The following CDK5RAP2 variants were observed in gnomAD, a reference collection of about 807,000 sequenced individuals.
CDK5RAP2 encodes the protein CDK5 regulatory subunit-associated protein 2.
CDK5RAP2 carries 147 observed loss-of-function variants against 232.9 expected under a neutral mutation model. The ratio of observed to expected loss-of-function variants is 0.63; its 90% CI spans 0.55 to 0.72. The LOEUF (loss-of-function observed/expected upper bound fraction) is 0.72. CDK5RAP2 is among the 30% of genes least tolerant of loss of function. The pLI is 0.00. For synonymous variants in CDK5RAP2, 833 were observed against 833.7 expected (o/e 1.00, Z 0.01); for missense variants, 2,195 against 2,231.5 (o/e 0.98, Z 0.33).
chr9:120,454,416 T>C lies in CDK5RAP2; in HGVS notation c.2376-543A>G, dbSNP rs78618838. ...GTACACAGGCAGAGTAGAAAGCGCA[T>C]TGGCTCTGAAGATGGATACAAATCC... is the stretch of plus-strand genomic sequence containing the variant. On this transcript the variant is annotated intron_variant, in intron 20 of 37. Transcript: ENST00000349780. 2.5e-4 allele frequency among the ~76,000 whole-genome samples: 38 copies of C among 152,368 alleles called. 1 individual carries two copies. The East Asian group carries it at 6.4e-3, about 25-fold the overall frequency.
At chr9:120,520,423 C>G (rs1434143961) in intron 11 of CDK5RAP2, among the ~76,000 whole-genome samples, 1 of 152,164 alleles carries the variant, frequency 6.6e-6, no homozygotes, top group African/African-American at 2.4e-5. Flanking sequence ...GGGTGGATCA[C>G]CTGAAGTCAG....
intron 27 of CDK5RAP2, 144 bp downstream of exon 27, chr9:120,419,644 T>G: frequency 1.4e-6 from 1 of 736,262 alleles, no homozygotes; most frequent in African/African-American, 1.7e-5. Flanking sequence ...AAGGATACTC[T>G]GAATGACCAG....
Position 120,571,840 on chromosome 9 carries a change from A to G in CDK5RAP2, c.127+134T>C, listed in dbSNP as rs1024094078. The G allele has an allele frequency of 1.1e-5, 8 of 726,342 alleles. No individual in the cohort carries two copies. In the Admixed American group the frequency reaches 1.6e-4, roughly 15 times the overall value. 45.0% of individuals were successfully genotyped at this position (726,342 alleles called of 1,614,324 possible). A position where few individuals can be genotyped will look rare whatever the true frequency, so the allele number is the denominator to read the frequency against. ...GAAAGCAAATCAATACATACAAAAA[A>G]TACTGAGCACCTACGGTGTGCCAGT... On this transcript the variant is annotated intron_variant, in intron 2 of 37. Transcript: ENST00000349780.
chr9:120,552,789 C>T (rs1020033443), intron 3 of CDK5RAP2, among the ~76,000 whole-genome samples: 3 of 150,268 alleles, frequency 2.0e-5, no homozygotes, highest in Admixed American at 6.6e-5. Context: ...CACATGTATA[C>T]GTATGTAACG....
At chr9:120,569,119 T>C (rs1377318810) in intron 2 of CDK5RAP2, among the ~76,000 whole-genome samples, 1 of 152,060 alleles carries the variant, frequency 6.6e-6, no homozygotes, top group Non-Finnish European at 1.5e-5. Flanking sequence ...CCCTATCGAG[T>C]GAGCAGGATG....
At position 120,470,121 on chromosome 9, in the gene CDK5RAP2, A is replaced by G; in HGVS notation, c.1958T>C (p.Leu653Pro). ...TTAATAGGTCAATACCTTTTTCTTA[A>G]GTTCTTCTTGAGAAAAATGTTCCAC... ...FQVEHFSQEE[L>P]KKKVSDLIQL... The change falls in exon 17 of 38, where the codon CTT becomes CCT. Residue 653 changes from leucine (L) to proline (P), a missense_variant. Transcript: ENST00000349780. 1 of 1,521,792 alleles carries G rather than the reference A, an allele frequency of 6.6e-7. No individual in the cohort carries two copies. Among genetic ancestry groups the G allele is most frequent in the Non-Finnish European group, 9.1e-7 (1 of 1,099,472 alleles). 94.3% of individuals were successfully genotyped at this position (1,521,792 alleles called of 1,614,324 possible).
intron 32 of CDK5RAP2, chr9:120,406,305 G>T (rs1042708290): frequency 6.6e-6 from 1 of 152,332 alleles, no homozygotes; most frequent in African/African-American, 2.4e-5. Flanking sequence ...AGAGAGTCCA[G>T]TGGGGTTTAG....
At chr9:120,501,521 G>C (rs75062699) in intron 12 of CDK5RAP2, among the ~76,000 whole-genome samples, 2,542 of 152,316 alleles carry the variant, frequency 0.017, 75 homozygotes, top group African/African-American at 0.057. Flanking sequence ...GCACATAGCA[G>C]ACACTGTGGC....
chr9:120,523,046 C>T (rs1820832891), intron 11 of CDK5RAP2, among the ~76,000 whole-genome samples: 1 of 152,180 alleles, frequency 6.6e-6, no homozygotes, highest in African/African-American at 2.4e-5. Context: ...CTGCTACCTC[C>T]TCGGGCAAGG....
chr9:120,483,813 T>G (rs1023669212), intron 14 of CDK5RAP2, among the ~76,000 whole-genome samples: 2 of 152,214 alleles, frequency 1.3e-5, no homozygotes, highest in African/African-American at 4.8e-5. Flanking sequence ...AGGAAACACA[T>G]GTAATGTGCA....
Position 120,497,557 on chromosome 9 carries a change from A to G in CDK5RAP2, c.1312-6080T>C, listed in dbSNP as rs10984931. 2.2e-4 allele frequency among the ~76,000 whole-genome samples: 33 copies of G among 152,198 alleles called. No homozygotes were observed. The East Asian group carries it at 4.8e-3, about 22-fold the overall frequency. On this transcript the variant is annotated intron_variant, in intron 12 of 37. Transcript: ENST00000349780. ...ACAAAATTAATTATAAAGGGAATAA[A>G]ATAGTGACTTTATAGTGAAGAAACC...
intron 15 of CDK5RAP2, among the ~76,000 whole-genome samples, chr9:120,476,445 G>C (rs370193524): frequency 1.9e-4 from 29 of 151,898 alleles, no homozygotes; most frequent in Non-Finnish European, 3.8e-4. Context: ...TTTGGGAGGC[G>C]GAGGTGGGTG....
rs537403386 is a variant in CDK5RAP2, at chr9:120,455,664, AC to A, written c.2376-1792del. ...AGGCTGAGGTGGGAGGACGGCTTGA[AC>A]CCAGGAGGCTGCAGTGAACTGAGAT... On this transcript the variant is annotated intron_variant, in intron 20 of 37. Transcript: ENST00000349780. Among the ~76,000 whole-genome samples, 861 of 151,722 alleles carry A rather than the reference AC, an allele frequency of 5.7e-3. 11 individuals are homozygous for A. Among genetic ancestry groups the A allele is most frequent in the African/African-American group, 0.02 (817 of 41,372 alleles).
intron 3 of CDK5RAP2, among the ~76,000 whole-genome samples, chr9:120,564,514 A>T (rs2042578996): frequency 6.6e-6 from 1 of 151,144 alleles, no homozygotes; most frequent in Non-Finnish European, 1.5e-5. Context: ...ATAAAAAATC[A>T]TACAACTATA....
chr9:120,420,099 C>A, intron 26 of CDK5RAP2, 139 bp from the exon 27 acceptor site: 1 of 722,640 alleles, frequency 1.4e-6, no homozygotes, highest in Non-Finnish European at 2.5e-6. Flanking sequence ...TTTTATTTCC[C>A]TACAGCATTA....
intron 4 of CDK5RAP2, among the ~76,000 whole-genome samples, chr9:120,546,997 T>G (rs13300460): frequency 1.4e-5 from 2 of 145,434 alleles, no homozygotes; most frequent in African/African-American, 5.0e-5. Context: ...GTTTTTTTTG[T>G]TTTTTTGAGA....
chr9:120,518,722 T>C (rs753000066), intron 11 of CDK5RAP2, 77 bp from the exon 12 acceptor site: 19 of 1,169,948 alleles, frequency 1.6e-5, no homozygotes, highest in Admixed American at 8.8e-5. Flanking sequence ...TGGGCTCTTT[T>C]TCGCCGTGGG....
intron 20 of CDK5RAP2, among the ~76,000 whole-genome samples, chr9:120,454,923 T>A (rs946657212): frequency 1.1e-4 from 17 of 152,208 alleles, no homozygotes. Flanking sequence ...TGCTCCCTGA[T>A]GTCAAATCCC....
chr9:120,443,756 C>T lies in CDK5RAP2; in HGVS notation c.3026-14G>A. 4 of 1,613,530 alleles carry T rather than the reference C, an allele frequency of 2.5e-6. No homozygotes were observed. The highest frequency in any genetic ancestry group is 3.4e-6 in the Non-Finnish European group (4 of 1,179,878). On this transcript the variant is annotated splice_polypyrimidine_tract_variant and intron_variant, in intron 22 of 37. Coordinates refer to ENST00000349780, the MANE Select transcript of CDK5RAP2 (RefSeq NM_018249.6). ...CAGGGGGCTGAGCTACAGGCAATCA[C>T]AAAGAGAAAGAAAAATAAATAAAAC...
Sources: allele counts gnomAD v4.1 joint callset (sites outside exome capture counted in the v4.1 genomes callset), GRCh38; gene constraint gnomAD v4.1.1; transcripts MANE v1.5; gene names NCBI Gene and HGNC (gene_info 2026-07-23, HGNC 2026-07-21).